RBFOX1: variants seen among roughly 807,000 people sequenced by gnomAD.
The protein encoded by RBFOX1 is RNA binding fox-1 homolog 1.
RBFOX1 carries 8 observed loss-of-function variants against 57.7 expected under a neutral mutation model. That is an observed-to-expected ratio of 0.14 (90% CI 0.08 to 0.25). The LOEUF is 0.25. Among genes scored for constraint, RBFOX1 ranks in the 10% least tolerant of loss-of-function variants. The pLI, the probability that RBFOX1 is intolerant of heterozygous loss-of-function variation, is 1.00. For synonymous variants in RBFOX1, 326 were observed against 222.4 expected, an observed-to-expected ratio of 1.47 and a Z score of -4.15; for missense variants, 611 against 548.5, an observed-to-expected ratio of 1.11 and a Z score of -1.14.
At chr16:5,558,811 G>A (rs537295805) in intron 2 of RBFOX1, among the ~76,000 whole-genome samples, 2 of 152,122 alleles carry the variant, frequency 1.3e-5, no homozygotes, top group African/African-American at 2.4e-5. Context: ...AATGCATCAT[G>A]AGCATGCAAA....
intron 2 of RBFOX1, among the ~76,000 whole-genome samples, chr16:6,650,413 A>T (rs1272475334): frequency 6.6e-6 from 1 of 152,206 alleles, no homozygotes; most frequent in East Asian, 1.9e-4. Flanking sequence ...GGAAAGGGAA[A>T]GCACCTGATG....
chr16:7,452,452 A>G (rs1027958628), intron 4 of RBFOX1, among the ~76,000 whole-genome samples: 1 of 152,194 alleles, frequency 6.6e-6, no homozygotes, highest in East Asian at 1.9e-4. Context: ...GTTTTCTGGC[A>G]TTGGGTTGCA....
At chr16:7,207,946 G>C (rs751122856) in intron 4 of RBFOX1, among the ~76,000 whole-genome samples, 9 of 152,106 alleles carry the variant, frequency 5.9e-5, no homozygotes, top group Non-Finnish European at 1.2e-4. Context: ...TTAGTCCTGG[G>C]GAAGCTTCTC....
intron 1 of RBFOX1, among the ~76,000 whole-genome samples, chr16:5,405,817 C>G (rs1402585540): frequency 6.6e-6 from 1 of 151,978 alleles, no homozygotes; most frequent in Non-Finnish European, 1.5e-5. Context: ...TGCTTGGGCT[C>G]CCGGGAAAAG....
chr16:7,112,518 C>G (rs1421923364), intron 4 of RBFOX1, among the ~76,000 whole-genome samples: 1 of 151,890 alleles, frequency 6.6e-6, no homozygotes, highest in African/African-American at 2.4e-5. Context: ...AACAAACATT[C>G]TTTTAACATA....
At chr16:5,554,725 T>G (rs911213204) in intron 2 of RBFOX1, among the ~76,000 whole-genome samples, 2 of 152,200 alleles carry the variant, frequency 1.3e-5, no homozygotes, top group African/African-American at 2.4e-5. Context: ...CACAAACGTC[T>G]CAGGGATTAT....
At chr16:6,951,012 C>A (rs569672355) in intron 3 of RBFOX1, among the ~76,000 whole-genome samples, 1 of 151,960 alleles carries the variant, frequency 6.6e-6, no homozygotes, top group South Asian at 2.1e-4. Flanking sequence ...CTCCAGCGAT[C>A]CTCCCACCTC....
intron 3 of RBFOX1, among the ~76,000 whole-genome samples, chr16:5,684,628 G>A (rs74444135): frequency 4.6e-5 from 7 of 152,238 alleles, no homozygotes; most frequent in East Asian, 3.9e-4. Context: ...TTCTTGATGC[G>A]TTTTAAATGG....
chr16:6,645,442 C>A (rs1412156666), intron 2 of RBFOX1, among the ~76,000 whole-genome samples: 2 of 152,164 alleles, frequency 1.3e-5, no homozygotes, highest in Admixed American at 6.5e-5. Context: ...CCAGATACTT[C>A]AGAGCTGGGA....
intron 4 of RBFOX1, among the ~76,000 whole-genome samples, chr16:7,060,272 A>T (rs1273379172): frequency 1.4e-4 from 21 of 152,304 alleles, no homozygotes; most frequent in African/African-American, 4.8e-4. Context: ...TATTTACAAG[A>T]ACAGGCAGTG....
At chr16:6,573,986 A>C (rs114647408) in intron 2 of RBFOX1, 1 of 152,264 alleles carries the variant, frequency 6.6e-6, no homozygotes, top group African/African-American at 2.4e-5. Flanking sequence ...TCTAACAGAC[A>C]TCCTCCGCGG....
chr16:5,654,832 C>G (rs150211829), intron 3 of RBFOX1, among the ~76,000 whole-genome samples: 2,543 of 151,748 alleles, frequency 0.017, 34 homozygotes, highest in South Asian at 0.037. Flanking sequence ...CCCACTCTCT[C>G]CTTCCCTCGT....
At chr16:6,770,140 T>C (rs1050408835) in intron 3 of RBFOX1, among the ~76,000 whole-genome samples, 2 of 152,226 alleles carry the variant, frequency 1.3e-5, no homozygotes, top group Admixed American at 1.3e-4. Flanking sequence ...GGCAGCTTAG[T>C]ATACCCTTTC....
intron 2 of RBFOX1, among the ~76,000 whole-genome samples, chr16:6,465,041 T>C (rs1157532036): frequency 6.6e-6 from 1 of 152,246 alleles, no homozygotes; most frequent in Non-Finnish European, 1.5e-5. Context: ...AGCCTGATTA[T>C]CGTGAATTGT....
chr16:6,217,817 C>A (rs1160302337), intron 1 of RBFOX1, among the ~76,000 whole-genome samples: 3 of 152,102 alleles, frequency 2.0e-5, no homozygotes, highest in Non-Finnish European at 1.5e-5. Context: ...GGGTTTGAGA[C>A]CAGCCGGGCG....
intron 3 of RBFOX1, among the ~76,000 whole-genome samples, chr16:6,864,989 CTTTTTCTT>C (rs1261297393): frequency 1.9e-5 from 2 of 105,802 alleles, no homozygotes; most frequent in African/African-American, 7.5e-5. Flanking sequence ...GTGGGTTTTT[CTTTTTCTT>C]TTTTTTTTTT....
chr16:6,482,067 TATTAGC>T (rs1183042673), intron 2 of RBFOX1, among the ~76,000 whole-genome samples: 3 of 152,208 alleles, frequency 2.0e-5, no homozygotes, highest in Admixed American at 6.5e-5. Flanking sequence ...TTGAAAGATT[TATTAGC>T]ATTTTAATAT....
intron 4 of RBFOX1, among the ~76,000 whole-genome samples, chr16:7,218,945 G>A (rs1056477640): frequency 1.3e-5 from 2 of 152,118 alleles, no homozygotes; most frequent in South Asian, 2.1e-4. Context: ...CATATGGTCT[G>A]TGCCTAGCAG....
At chr16:6,740,074 C>G (rs1043590358) in intron 3 of RBFOX1, among the ~76,000 whole-genome samples, 2 of 152,098 alleles carry the variant, frequency 1.3e-5, no homozygotes, top group African/African-American at 4.8e-5. Context: ...GCACCCCAAC[C>G]TAATGAGGAA....
Sources: gnomAD v4.1 joint callset for allele counts (sites outside exome capture counted in the v4.1 genomes callset) on GRCh38, gnomAD v4.1.1 for gene constraint, MANE v1.5 for transcripts, NCBI Gene and HGNC (gene_info 2026-07-23, HGNC 2026-07-21) for gene names.